PIK3R3: variants seen among roughly 807,000 people sequenced by gnomAD.
PIK3R3 encodes the protein phosphatidylinositol 3-kinase regulatory subunit gamma.
Under a neutral mutation model 62.9 loss-of-function variants are expected in PIK3R3, and 64 were observed. The ratio of observed to expected loss-of-function variants is 1.02; its 90% confidence interval spans 0.83 to 1.25. The LOEUF is 1.25. Among genes scored for constraint, PIK3R3 ranks in the 50% most tolerant of loss-of-function variants. The pLI is 0.00. For synonymous variants in PIK3R3, 165 were observed against 189.0 expected (o/e 0.87, Z 1.04); for missense variants, 614 against 561.6 (o/e 1.09, Z -0.94).
At chr1:46,059,208 A>T (rs1648235128) in intron 6 of PIK3R3, among the ~76,000 whole-genome samples, 1 of 152,198 alleles carries the variant, frequency 6.6e-6, no homozygotes, top group South Asian at 2.1e-4. Context: ...TTCCCTAGTC[A>T]CGTGGAACTG....
At chr1:46,107,121 C>G (rs888481003) in intron 1 of PIK3R3, among the ~76,000 whole-genome samples, 6 of 152,080 alleles carry the variant, frequency 3.9e-5, no homozygotes, top group African/African-American at 1.2e-4. Context: ...TTTGGGAGGC[C>G]AAGGCGAGTG....
At chr1:46,142,678 A>G in the PIK3R3 span, among the ~76,000 whole-genome samples, 6 of 152,098 alleles carry the variant, frequency 3.9e-5, no homozygotes, top group Admixed American at 1.3e-4. Flanking sequence ...AGCCTGGGCG[A>G]CACAGCAAGA....
chr1:46,077,646 AT>A (rs1353682367), intron 2 of PIK3R3, 33 bp from the exon 3 acceptor site: 8 of 1,360,716 alleles, frequency 5.9e-6, no homozygotes, highest in Non-Finnish European at 8.4e-6. Flanking sequence ...AAATGAAAAA[AT>A]GTCAACACTG....
At chr1:46,125,775 T>C (rs1405031916) in intron 1 of PIK3R3, among the ~76,000 whole-genome samples, 2 of 151,734 alleles carry the variant, frequency 1.3e-5, no homozygotes, top group Admixed American at 1.3e-4. Flanking sequence ...TTTTTTTTTT[T>C]CTTGAGACAG....
intron 1 of PIK3R3, chr1:46,104,925 C>CAAAAAA (rs757829828): frequency 1.1e-3 from 207 of 195,692 alleles, no homozygotes; most frequent in South Asian, 2.0e-3. Context: ...AAGACTCCAT[C>CAAAAAA]AAAAAAAAAA....
At chr1:46,056,459 C>G (rs1436847579) in intron 6 of PIK3R3, 4 of 152,600 alleles carry the variant, frequency 2.6e-5, no homozygotes, top group Admixed American at 2.6e-4. Flanking sequence ...GATTCATTCC[C>G]CCGTCTCAGA....
chr1:46,062,175 C>T (rs1407919633), intron 5 of PIK3R3, 104 bp from the exon 6 acceptor site: 26 of 870,380 alleles, frequency 3.0e-5, no homozygotes, highest in Non-Finnish European at 4.2e-5. Context: ...AATGTAATCC[C>T]ATATAACACC....
chr1:46,049,948 C>T (rs974689969), intron 7 of PIK3R3, among the ~76,000 whole-genome samples: 2 of 151,592 alleles, frequency 1.3e-5, no homozygotes, highest in African/African-American at 2.4e-5. Context: ...GGTGAAACCC[C>T]GTTCCTACTA....
At position 46,062,802 on chromosome 1, in the gene PIK3R3, C is replaced by G. The variant is rs187912068; in HGVS notation, c.622-731G>C. ...TTGGTTTTGGCTTTGGTTTCGGTTT[C>G]GGTTTCAGTTTTGGTTGGTGGGTGG... On this transcript the variant is annotated intron_variant, in intron 5 of 9. Transcript: ENST00000262741. Among the ~76,000 whole-genome samples the G allele has an allele frequency of 2.0e-3, 306 of 152,052 alleles. 1 individual carries two copies. Among genetic ancestry groups the G allele is most frequent in the African/African-American group, 6.5e-3 (270 of 41,470 alleles).
intron 9 of PIK3R3, among the ~76,000 whole-genome samples, chr1:46,045,318 T>C (rs1282395801): frequency 1.3e-5 from 2 of 152,190 alleles, no homozygotes; most frequent in African/African-American, 2.4e-5. Flanking sequence ...GTGAAGATGT[T>C]TGCCTTCTTA....
chr1:46,069,369 A>C (rs1490311976), intron 3 of PIK3R3, among the ~76,000 whole-genome samples: 3 of 152,074 alleles, frequency 2.0e-5, no homozygotes, highest in African/African-American at 7.2e-5. Context: ...AAATACAAAA[A>C]TTAGCCTGGC....
At chr1:46,136,089 A>G (rs193156864), upstream of PIK3R3, among the ~76,000 whole-genome samples, 905 of 116,962 alleles carry the variant, frequency 7.7e-3, 10 homozygotes, top group African/African-American at 0.03. Flanking sequence ...TTTTTTTTTG[A>G]TCACTAGCAT....
Position 46,040,165 on chromosome 1 carries a change from C to T in PIK3R3, c.*3508G>A, listed in dbSNP as rs1292857899. 5.1e-6 allele frequency: 1 copy of T among 194,810 alleles called. No individual in the cohort carries two copies. The allele number at this position is 194,810 out of a possible 1,614,324, so 12.1% of individuals were successfully genotyped here. On this transcript the variant is annotated 3_prime_UTR_variant, in exon 10 of 10. Coordinates refer to ENST00000262741, the MANE Select transcript of PIK3R3 (RefSeq NM_003629.4). ...TTACTTTATTGCAATGTCTTTATTG[C>T]ATTACTGGAGCAAGTTGGCCAGACT...
rs139864260 is a variant in PIK3R3 at position 46,054,375 on chromosome 1, G to A, written c.941+1420C>T. ...TGTGCCATTGCACTCCAGCCTGGGT[G>A]ACACAGTGAGACTCCGCCTCACAAA... On this transcript the variant is annotated intron_variant, in intron 7 of 9. Coordinates refer to ENST00000262741, the MANE Select transcript of PIK3R3 (RefSeq NM_003629.4). Among the ~76,000 whole-genome samples, 16 of 115,878 alleles carry A rather than the reference G, an allele frequency of 1.4e-4. No homozygotes were observed. In the East Asian group the frequency reaches 4.3e-3, roughly 31 times the overall value. 76.0% of individuals were successfully genotyped at this position (115,878 alleles called of 152,430 possible). A position where few individuals can be genotyped will look rare whatever the true frequency, so the allele number is the denominator to read the frequency against.
Position 46,058,527 on chromosome 1 carries a change from G to A in PIK3R3, c.765-2556C>T, listed in dbSNP as rs540779582. 6.8e-4 allele frequency among the ~76,000 whole-genome samples: 104 copies of A among 152,366 alleles called. No homozygotes were observed. In the South Asian group the frequency reaches 0.02, roughly 29 times the overall value. On this transcript the variant is annotated intron_variant, in intron 6 of 9. Transcript: ENST00000262741. ...CTGTACCCTGCAAAGCCACAGGGGC[G>A]GAGCTGCCCCAGACCATGGGAACCC...
chr1:46,119,111 T>G (rs1654442547), intron 1 of PIK3R3, among the ~76,000 whole-genome samples: 1 of 152,192 alleles, frequency 6.6e-6, no homozygotes, highest in Admixed American at 6.5e-5. Flanking sequence ...CTCTGTTTCT[T>G]TCTCCACAGC....
the PIK3R3 span, among the ~76,000 whole-genome samples, chr1:46,167,380 G>C: frequency 2.0e-5 from 3 of 152,242 alleles, no homozygotes; most frequent in African/African-American, 4.8e-5. Flanking sequence ...CTGCAAGGAG[G>C]GGGTGTGCAC....
intron 3 of PIK3R3, among the ~76,000 whole-genome samples, chr1:46,074,286 C>CAAAAAAAAAAAAAAAAA (rs1179172400): frequency 4.8e-5 from 1 of 20,826 alleles, no homozygotes; most frequent in Non-Finnish European, 8.7e-5. Context: ...TAGACTCCGT[C>CAAAAAAAAAAAAAAAAA]AAAAAAAAAA....
Position 46,132,236 on chromosome 1 carries a change from T to A in PIK3R3, c.-284A>T. On this transcript the variant is annotated 5_prime_UTR_variant, in exon 1 of 10. In the 5' UTR this introduces an upstream ATG that the reference lacks. Transcript: ENST00000262741. ...GAGAGCAGAGGTGTTAAAAAGCGGC[T>A]TCCCAAAAATCCTTTCTACACAGTC... is the stretch of plus-strand genomic sequence containing the variant. 1 of 1,167,918 alleles carries A rather than the reference T, an allele frequency of 8.6e-7. No homozygotes were observed. The highest frequency in any genetic ancestry group is 1.1e-6 in the Non-Finnish European group (1 of 940,718). The allele number at this position is 1,167,918 out of a possible 1,614,324, so 72.3% of individuals were successfully genotyped here.
Sources: gnomAD v4.1 joint callset for allele counts (sites outside exome capture counted in the v4.1 genomes callset) on GRCh38, gnomAD v4.1.1 for gene constraint, MANE v1.5 for transcripts, NCBI Gene and HGNC (gene_info 2026-07-23, HGNC 2026-07-21) for gene names.